Variants in FBXO34 observed in about 807,000 individuals in gnomAD.
FBXO34 encodes the protein F-box protein 34.
In FBXO34, 12 loss-of-function variants were observed where a neutral mutation model predicts 24.5. That is an observed-to-expected ratio of 0.49 (90% CI 0.31 to 0.79). The LOEUF (loss-of-function observed/expected upper bound fraction) is 0.79, where lower values mean the gene tolerates loss of function less well. FBXO34 is among the 30% of genes least tolerant of loss of function. The pLI is 0.04. For missense variants in FBXO34, 823 were observed against 857.7 expected, an observed-to-expected ratio of 0.96 and a Z score of 0.51; for synonymous variants, 320 against 311.9, an observed-to-expected ratio of 1.03 and a Z score of -0.27.
At chr14:55,390,886 G>A in the FBXO34 span, 1 of 1,491,448 alleles carries the variant, frequency 6.7e-7, no homozygotes, top group Non-Finnish European at 9.2e-7. Flanking sequence ...TTCTAGGGCT[G>A]GAAGGAAGGA....
chr14:55,440,309 A>G, the FBXO34 span: 2 of 1,499,022 alleles, frequency 1.3e-6, no homozygotes, highest in Non-Finnish European at 1.8e-6. Context: ...GGTCGCTATG[A>G]GTTTTAAGAG....
chr14:55,442,284 G>A, the FBXO34 span, among the ~76,000 whole-genome samples: 1 of 151,432 alleles, frequency 6.6e-6, no homozygotes. Context: ...AGCTACTCAG[G>A]AGGCCGAGGC....
At chr14:55,393,212 T>A in the FBXO34 span, among the ~76,000 whole-genome samples, 1 of 135,788 alleles carries the variant, frequency 7.4e-6, no homozygotes, top group East Asian at 2.0e-4. Context: ...AAACCCCGTC[T>A]CTACTAAAAA....
At chr14:55,282,501 G>C (rs944899734) in intron 1 of FBXO34, 4 of 240,140 alleles carry the variant, frequency 1.7e-5, no homozygotes, top group Non-Finnish European at 3.5e-5. Context: ...GTCTGTCTGG[G>C]CACATGCCAC....
chr14:55,295,427 G>A (rs184589790), intron 1 of FBXO34, among the ~76,000 whole-genome samples: 3 of 119,706 alleles, frequency 2.5e-5, no homozygotes, highest in African/African-American at 3.4e-5. Flanking sequence ...AGAGTCTCTC[G>A]TCTGTTGCCC....
chr14:55,397,382 A>G, the FBXO34 span: 4 of 1,613,490 alleles, frequency 2.5e-6, no homozygotes, highest in Non-Finnish European at 3.4e-6. Flanking sequence ...TCTTTCTGAA[A>G]TTCTTCTTGC....
At chr14:55,423,882 CA>C in the FBXO34 span, among the ~76,000 whole-genome samples, 1 of 151,936 alleles carries the variant, frequency 6.6e-6, no homozygotes, top group Admixed American at 6.6e-5. Flanking sequence ...GAGTTTGTAA[CA>C]GTAAGTTTAA....
At chr14:55,403,953 A>G in the FBXO34 span, among the ~76,000 whole-genome samples, 1 of 152,230 alleles carries the variant, frequency 6.6e-6, no homozygotes, top group Non-Finnish European at 1.5e-5. Flanking sequence ...AAATTCAACT[A>G]CATCTTGTTT....
the FBXO34 span, among the ~76,000 whole-genome samples, chr14:55,379,400 G>C: frequency 6.6e-6 from 1 of 151,962 alleles, no homozygotes; most frequent in Non-Finnish European, 1.5e-5. Context: ...AAATTAGCCA[G>C]GTGTGGTAGC....
chr14:55,363,021 C>CT (rs774134598), downstream of FBXO34, among the ~76,000 whole-genome samples: 47 of 122,532 alleles, frequency 3.8e-4, no homozygotes, highest in African/African-American at 1.4e-3. Context: ...TTTTCTCTCT[C>CT]TCTTTTTTTT....
At chr14:55,287,748 C>T (rs1306657088) in intron 1 of FBXO34, among the ~76,000 whole-genome samples, 3 of 152,144 alleles carry the variant, frequency 2.0e-5, no homozygotes, top group Admixed American at 6.6e-5. Context: ...AAAATATTTC[C>T]GCCAGAGTCA....
chr14:55,384,526 T>C, the FBXO34 span, among the ~76,000 whole-genome samples: 3 of 152,248 alleles, frequency 2.0e-5, no homozygotes, highest in African/African-American at 2.4e-5. Flanking sequence ...CTAAAAACTT[T>C]CTATTTTGCT....
downstream of FBXO34, among the ~76,000 whole-genome samples, chr14:55,363,798 T>C (rs1321317619): frequency 6.6e-6 from 1 of 152,154 alleles, no homozygotes; most frequent in Non-Finnish European, 1.5e-5. Flanking sequence ...GTGTTTTATG[T>C]GTGGCCCAAG....
chr14:55,373,544 C>T (rs775325648), downstream of FBXO34, among the ~76,000 whole-genome samples: 9 of 152,182 alleles, frequency 5.9e-5, no homozygotes, highest in African/African-American at 2.2e-4. Flanking sequence ...ACTGCAAACT[C>T]CGCCTCCTGG....
At chr14:55,299,033 G>A (rs879122040) in intron 1 of FBXO34, 1 of 1,605,400 alleles carries the variant, frequency 6.2e-7, no homozygotes. Flanking sequence ...AAGAACTTGG[G>A]GAGGAGATTT....
intron 1 of FBXO34, chr14:55,299,014 C>A: frequency 6.2e-7 from 1 of 1,608,468 alleles, no homozygotes; most frequent in East Asian, 2.2e-5. Context: ...CAGGACATTG[C>A]TGACCAGCAA....
intron 1 of FBXO34, among the ~76,000 whole-genome samples, chr14:55,280,688 G>A (rs891022826): frequency 1.5e-4 from 23 of 151,854 alleles, no homozygotes; most frequent in African/African-American, 3.4e-4. Flanking sequence ...CACCTCGCCC[G>A]GCTAATTTTT....
At chr14:55,397,437 G>T in the FBXO34 span, 6 of 1,609,930 alleles carry the variant, frequency 3.7e-6, no homozygotes, top group African/African-American at 6.7e-5. Context: ...CGATAAACCT[G>T]TAACAAAAAA....
At chr14:55,328,754 G>A (rs1452630719) in intron 1 of FBXO34, among the ~76,000 whole-genome samples, 2 of 152,128 alleles carry the variant, frequency 1.3e-5, no homozygotes, top group Non-Finnish European at 2.9e-5. Context: ...GATCCAGTCG[G>A]GGTATTCATT....
Sources: allele counts gnomAD v4.1 joint callset (sites outside exome capture counted in the v4.1 genomes callset), GRCh38; gene constraint gnomAD v4.1.1; transcripts MANE v1.5; gene names NCBI Gene and HGNC (gene_info 2026-07-23, HGNC 2026-07-21).